CD38: variants seen among roughly 807,000 people sequenced by gnomAD.
CD38 encodes ADP-ribosyl cyclase/cyclic ADP-ribose hydrolase 1.
CD38 carries 31 observed loss-of-function variants against 36.3 expected under a neutral mutation model. That is an observed-to-expected ratio of 0.85 (90% confidence interval 0.64 to 1.15). The LOEUF is 1.15. CD38 is among the 50% of genes most tolerant of loss of function. The probability of loss-of-function intolerance (pLI) is 0.00; values close to 1 mark genes in which losing one functional copy is unlikely to be tolerated. For missense variants in CD38, 380 were observed against 371.9 expected (o/e 1.02, Z -0.18); for synonymous variants, 131 against 135.2 (o/e 0.97, Z 0.22).
intron 1 of CD38, among the ~76,000 whole-genome samples, chr4:15,781,814 A>G (rs1228007649): frequency 6.6e-6 from 1 of 152,244 alleles, no homozygotes; most frequent in African/African-American, 2.4e-5. Flanking sequence ...ACAAGACCTC[A>G]CTTCCAAGTA....
intron 1 of CD38, among the ~76,000 whole-genome samples, chr4:15,795,891 C>T (rs1320408655): frequency 6.6e-6 from 1 of 152,038 alleles, no homozygotes; most frequent in African/African-American, 2.4e-5. Flanking sequence ...TTTTCTCTGG[C>T]CATGATCCAT....
At chr4:15,791,086 G>C in intron 1 of CD38, among the ~76,000 whole-genome samples, 1 of 130,602 alleles carries the variant, frequency 7.7e-6, no homozygotes, top group Non-Finnish European at 1.6e-5. Context: ...GCCCCGTCCG[G>C]GAGGTGAGGG....
At chr4:15,810,635 TA>T (rs774774272) in intron 1 of CD38, among the ~76,000 whole-genome samples, 4 of 152,218 alleles carry the variant, frequency 2.6e-5, no homozygotes, top group Non-Finnish European at 4.4e-5. Flanking sequence ...TCCTTAAATA[TA>T]TAATGTACGG....
intron 1 of CD38, among the ~76,000 whole-genome samples, chr4:15,791,589 C>G (rs1388401561): frequency 6.1e-4 from 48 of 78,964 alleles, no homozygotes; most frequent in Non-Finnish European, 8.6e-4. Flanking sequence ...GGGGGTCAGC[C>G]CCCCGCCCGG....
chr4:15,792,629 A>G (rs1014656836), intron 1 of CD38, among the ~76,000 whole-genome samples: 4 of 152,028 alleles, frequency 2.6e-5, no homozygotes, highest in South Asian at 2.1e-4. Flanking sequence ...TATTTCATCT[A>G]TTTACCCATT....
At chr4:15,830,827 C>T (rs1331416443) in intron 3 of CD38, among the ~76,000 whole-genome samples, 1 of 152,018 alleles carries the variant, frequency 6.6e-6, no homozygotes, top group Non-Finnish European at 1.5e-5. Context: ...CATTGAGCCA[C>T]TCTGTGCCTT....
intron 1 of CD38, among the ~76,000 whole-genome samples, chr4:15,784,338 G>T (rs1333131146): frequency 6.6e-6 from 1 of 152,200 alleles, no homozygotes; most frequent in Non-Finnish European, 1.5e-5. Context: ...TCCTTTAAAG[G>T]TAGAATTTCA....
intron 4 of CD38, among the ~76,000 whole-genome samples, chr4:15,834,698 A>G (rs1724029927): frequency 6.6e-6 from 1 of 152,216 alleles, no homozygotes; most frequent in Non-Finnish European, 1.5e-5. Context: ...AGTAACTTGC[A>G]TCTTCACCAG....
chr4:15,828,684 A>G (rs1723898774), intron 3 of CD38, among the ~76,000 whole-genome samples: 1 of 152,224 alleles, frequency 6.6e-6, no homozygotes, highest in African/African-American at 2.4e-5. Flanking sequence ...ATAGTATTCC[A>G]TTGTGTATAT....
Position 15,801,272 on chromosome 4 carries a change from A to T in CD38, c.234-15239A>T, listed in dbSNP as rs560980238. On this transcript the variant is annotated intron_variant, in intron 1 of 7. Transcript: ENST00000226279. ...CCAATAACAATTATTGAGGAACCTC[A>T]ATAATAATTTTTATTAAACAACAAT... Among the ~76,000 whole-genome samples, 3 of 152,162 alleles carry T rather than the reference A, an allele frequency of 2.0e-5. No homozygotes were observed. The East Asian group carries it at 5.8e-4, about 29-fold the overall frequency.
At chr4:15,793,348 G>A (rs563555007) in intron 1 of CD38, among the ~76,000 whole-genome samples, 16 of 151,862 alleles carry the variant, frequency 1.1e-4, no homozygotes, top group African/African-American at 3.4e-4. Flanking sequence ...TCAAAGTAAA[G>A]GGAACAAAGT....
At chr4:15,780,492 A>C (rs1203249502) in intron 1 of CD38, among the ~76,000 whole-genome samples, 1 of 145,944 alleles carries the variant, frequency 6.9e-6, no homozygotes, top group Non-Finnish European at 1.5e-5. Flanking sequence ...GGAGATTTTT[A>C]TATATTTTAG....
At position 15,840,093 on chromosome 4, in the gene CD38, A is replaced by T. The variant is rs1449958038; in HGVS notation, c.727A>T (p.Ile243Leu). The stretch of plus-strand genomic sequence containing the variant: ...GGTTCAGACACTAGAGGCCTGGGTG[A>T]TACATGGTGGAAGAGAAGATTCCAG... ...EKVQTLEAWV[I>L]HGGREDSRDL... Residue 243 changes from isoleucine to leucine, a missense_variant, in exon 6 of 8, where the codon ATA becomes TTA. By Grantham distance (5) the Ile-to-Leu change is conservative. Coordinates refer to ENST00000226279, the MANE Select transcript of CD38 (RefSeq NM_001775.4). The T allele has an allele frequency of 1.2e-6, 2 of 1,612,056 alleles. No homozygotes were observed. Among genetic ancestry groups the T allele is most frequent in the Non-Finnish European group, 1.7e-6 (2 of 1,178,116 alleles).
Position 15,852,412 on chromosome 4 carries a change from C to G in CD38, c.*3810C>G, listed in dbSNP as rs1175845087. 1 of 152,188 alleles carries G rather than the reference C, an allele frequency of 6.6e-6. No homozygotes were observed. Among genetic ancestry groups the G allele is most frequent in the African/African-American group, 2.4e-5 (1 of 41,436 alleles). 9.4% of individuals were successfully genotyped at this position (152,188 alleles called of 1,614,324 possible). A position where few individuals can be genotyped will look rare whatever the true frequency, so the allele number is the denominator to read the frequency against. ...CTTAGAACAATTCCTAAATCTGTAA[C>G]TTAAGTTTCTCAGGAAGATTCCATA... On this transcript the variant is annotated 3_prime_UTR_variant, in exon 8 of 8. Coordinates refer to ENST00000226279, the MANE Select transcript of CD38 (RefSeq NM_001775.4).
intron 3 of CD38, among the ~76,000 whole-genome samples, chr4:15,829,953 T>C (rs1723926584): frequency 6.6e-6 from 1 of 152,214 alleles, no homozygotes; most frequent in Admixed American, 6.5e-5. Flanking sequence ...TAGTACTCCA[T>C]TGTGTATAAA....
intron 6 of CD38, 22 bp from the exon 7 acceptor site, chr4:15,840,430 T>C (rs745359964): frequency 1.4e-6 from 2 of 1,470,058 alleles, no homozygotes; most frequent in East Asian, 4.5e-5. Context: ...GTAATTTTAA[T>C]ACTTTCTTCT....
intron 3 of CD38, among the ~76,000 whole-genome samples, chr4:15,826,972 C>T (rs192618134): frequency 2.6e-5 from 4 of 152,124 alleles, no homozygotes; most frequent in East Asian, 1.9e-4. Flanking sequence ...CATCTGTATG[C>T]GGTATCTATT....
intron 1 of CD38, among the ~76,000 whole-genome samples, chr4:15,782,245 G>C (rs1329221185): frequency 1.3e-5 from 2 of 152,166 alleles, no homozygotes; most frequent in African/African-American, 4.8e-5. Flanking sequence ...AGATTCTATA[G>C]GTTAAAACAA....
Position 15,840,555 on chromosome 4 carries a change from T to A in CD38, c.839+17T>A. 2 of 1,420,794 alleles carry A rather than the reference T, an allele frequency of 1.4e-6. No homozygotes were observed. The highest frequency in any genetic ancestry group is 1.4e-5 in the African/African-American group (1 of 70,280). The allele number at this position is 1,420,794 out of a possible 1,614,324, so 88.0% of individuals were successfully genotyped here. A position where few individuals can be genotyped will look rare whatever the true frequency, so the allele number is the denominator to read the frequency against. ...TATCTACAGGTAATTAATTTCTTCT[T>A]GAAGAAAAAAATGACTGTCTTGTCA... On this transcript the variant is annotated intron_variant, in intron 7 of 7. Coordinates refer to ENST00000226279, the MANE Select transcript of CD38 (RefSeq NM_001775.4).
Sources: allele counts gnomAD v4.1 joint callset (sites outside exome capture counted in the v4.1 genomes callset), GRCh38; gene constraint gnomAD v4.1.1; transcripts MANE v1.5; gene names NCBI Gene and HGNC (gene_info 2026-07-23, HGNC 2026-07-21).